Variants in WWOX observed in about 807,000 individuals in gnomAD.
WWOX encodes the protein WW domain-containing oxidoreductase.
Under a neutral mutation model 46.2 loss-of-function variants are expected in WWOX, and 69 were observed. The ratio of observed to expected loss-of-function variants is 1.49; its 90% CI spans 1.23 to 1.82. WWOX has a LOEUF of 1.82. Among genes scored for constraint, WWOX ranks in the 40% most tolerant of loss-of-function variants. WWOX has a pLI of 0.00. For missense variants in WWOX, 919 were observed against 542.6 expected (o/e 1.69, Z -6.89); for synonymous variants, 359 against 202.6 (o/e 1.77, Z -6.56).
At chr16:78,695,641 A>G (rs1050979731) in intron 8 of WWOX, among the ~76,000 whole-genome samples, 3 of 152,226 alleles carry the variant, frequency 2.0e-5, no homozygotes, top group Admixed American at 6.5e-5. Context: ...CCAAGGTCAC[A>G]GCTGGAAATA....
intron 8 of WWOX, among the ~76,000 whole-genome samples, chr16:79,074,479 C>T (rs552613257): frequency 8.3e-6 from 1 of 120,784 alleles, no homozygotes; most frequent in African/African-American, 3.2e-5. Context: ...CTGGCTGACC[C>T]ATCAATGGGC....
At chr16:78,597,090 G>T (rs1037860703) in intron 8 of WWOX, among the ~76,000 whole-genome samples, 9 of 152,144 alleles carry the variant, frequency 5.9e-5, no homozygotes, top group African/African-American at 1.9e-4. Flanking sequence ...CTTACGACCT[G>T]GGTGCTAGTA....
intron 8 of WWOX, among the ~76,000 whole-genome samples, chr16:78,760,138 C>A (rs1000797764): frequency 3.3e-5 from 5 of 152,150 alleles, no homozygotes; most frequent in African/African-American, 1.2e-4. Flanking sequence ...GGTGCACAGT[C>A]ATGGCGGAAG....
At chr16:78,385,831 G>T (rs1663374366) in intron 5 of WWOX, among the ~76,000 whole-genome samples, 1 of 152,196 alleles carries the variant, frequency 6.6e-6, no homozygotes, top group Admixed American at 6.5e-5. Context: ...AGGTGGCCCT[G>T]TGTTCTTGGG....
intron 8 of WWOX, among the ~76,000 whole-genome samples, chr16:78,949,035 A>G (rs1193238422): frequency 1.3e-5 from 2 of 152,146 alleles, no homozygotes; most frequent in Non-Finnish European, 2.9e-5. Context: ...GAAGCTAAGA[A>G]CTAGCTCTTT....
chr16:78,879,303 G>A (rs148063284), intron 8 of WWOX, among the ~76,000 whole-genome samples: 3 of 152,312 alleles, frequency 2.0e-5, no homozygotes, highest in African/African-American at 7.2e-5. Flanking sequence ...GACACCGTAA[G>A]AGCTTGATAA....
intron 8 of WWOX, among the ~76,000 whole-genome samples, chr16:78,608,439 G>C (rs1351312845): frequency 6.6e-6 from 1 of 152,198 alleles, no homozygotes; most frequent in Non-Finnish European, 1.5e-5. Context: ...CTTGCCCCAG[G>C]CAGAGTGGAA....
At chr16:78,619,932 A>T (rs72805018) in intron 8 of WWOX, among the ~76,000 whole-genome samples, 1 of 152,062 alleles carries the variant, frequency 6.6e-6, no homozygotes, top group Non-Finnish European at 1.5e-5. Context: ...ATAAAAATAA[A>T]AGTAACAGAA....
At chr16:79,005,092 C>T (rs1023071149) in intron 8 of WWOX, among the ~76,000 whole-genome samples, 6 of 152,142 alleles carry the variant, frequency 3.9e-5, no homozygotes, top group Admixed American at 6.5e-5. Context: ...AGTCAGTCCT[C>T]AGTGTACCCC....
At chr16:78,587,808 C>T (rs1021880035) in intron 8 of WWOX, among the ~76,000 whole-genome samples, 2 of 152,098 alleles carry the variant, frequency 1.3e-5, no homozygotes, top group African/African-American at 4.8e-5. Flanking sequence ...AGGACTTTTT[C>T]CTGGTAATTG....
chr16:78,794,357 C>G (rs759525905), intron 8 of WWOX, among the ~76,000 whole-genome samples: 1 of 152,126 alleles, frequency 6.6e-6, no homozygotes, highest in African/African-American at 2.4e-5. Context: ...TCTGTTCTGG[C>G]TCAGGAAGCT....
At chr16:78,490,478 A>G (rs2084754022) in intron 8 of WWOX, among the ~76,000 whole-genome samples, 1 of 152,146 alleles carries the variant, frequency 6.6e-6, no homozygotes, top group East Asian at 1.9e-4. Flanking sequence ...GTTCCCGCAA[A>G]TCTATTTACG....
chr16:78,837,975 T>A (rs926884362), intron 8 of WWOX, among the ~76,000 whole-genome samples: 3 of 152,192 alleles, frequency 2.0e-5, no homozygotes, highest in African/African-American at 7.2e-5. Flanking sequence ...TTTGTGTTGT[T>A]CCAAAGGTTT....
chr16:78,438,587 G>A (rs975395134), intron 8 of WWOX, among the ~76,000 whole-genome samples: 8 of 152,156 alleles, frequency 5.3e-5, no homozygotes, highest in African/African-American at 1.9e-4. Flanking sequence ...CCTCTTAGGA[G>A]TGTTTTGTGC....
At chr16:78,856,081 A>G (rs548389738) in intron 8 of WWOX, among the ~76,000 whole-genome samples, 1 of 152,366 alleles carries the variant, frequency 6.6e-6, no homozygotes, top group South Asian at 2.1e-4. Flanking sequence ...GACAAATATG[A>G]GTATCCAGGG....
intron 5 of WWOX, chr16:78,238,072 C>A (rs1336904641): frequency 6.6e-6 from 1 of 152,240 alleles, no homozygotes; most frequent in Non-Finnish European, 1.5e-5. Context: ...ACCCTCAACT[C>A]ACTTCCACAC....
intron 8 of WWOX, among the ~76,000 whole-genome samples, chr16:78,631,377 G>T (rs1597372561): frequency 6.6e-6 from 1 of 152,088 alleles, no homozygotes; most frequent in Non-Finnish European, 1.5e-5. Flanking sequence ...CCCCAAAACA[G>T]AACTCAAACT....
intron 8 of WWOX, among the ~76,000 whole-genome samples, chr16:78,953,071 A>T (rs2046094832): frequency 1.3e-5 from 2 of 151,762 alleles, no homozygotes. Context: ...GTGGTGGACA[A>T]TCTGACCATA....
chr16:78,210,036 A>T (rs1301470098), intron 5 of WWOX, among the ~76,000 whole-genome samples: 3 of 152,164 alleles, frequency 2.0e-5, no homozygotes, highest in South Asian at 2.1e-4. Context: ...AAAGCCAAAA[A>T]GAAAAAAAAA....
Sources: gnomAD v4.1 joint callset for allele counts (sites outside exome capture counted in the v4.1 genomes callset) on GRCh38, gnomAD v4.1.1 for gene constraint, MANE v1.5 for transcripts, NCBI Gene and HGNC (gene_info 2026-07-23, HGNC 2026-07-21) for gene names.